Variants in EEF1AKMT1 observed in about 807,000 individuals in gnomAD.
EEF1AKMT1 encodes the protein EEF1A lysine methyltransferase 1, also known as N-6 adenine-specific DNA methyltransferase 2 (putative).
Under a neutral mutation model 21.0 loss-of-function variants are expected in EEF1AKMT1, and 18 were observed. That is an observed-to-expected ratio of 0.86 (90% CI 0.59 to 1.27). EEF1AKMT1 has a LOEUF of 1.27. Among genes scored for constraint, EEF1AKMT1 ranks in the 50% most tolerant of loss-of-function variants. The pLI is 0.00. For synonymous variants in EEF1AKMT1, 109 were observed against 94.8 expected (o/e 1.15, Z -0.87); for missense variants, 246 against 258.6 (o/e 0.95, Z 0.33).
chr13:20,750,576 C>T (rs2058935003), intron 2 of EEF1AKMT1, among the ~76,000 whole-genome samples: 1 of 152,116 alleles, frequency 6.6e-6, no homozygotes, highest in Non-Finnish European at 1.5e-5. Context: ...ACCACATTTT[C>T]TTTATCCATT....
At chr13:20,770,468 G>A (rs1162206158) in intron 1 of EEF1AKMT1, among the ~76,000 whole-genome samples, 1 of 152,164 alleles carries the variant, frequency 6.6e-6, no homozygotes, top group Non-Finnish European at 1.5e-5. Flanking sequence ...TGCTTGAAAT[G>A]AATAGTTCTA....
chr13:20,741,795 A>C (rs944488469), intron 2 of EEF1AKMT1, among the ~76,000 whole-genome samples: 1 of 152,118 alleles, frequency 6.6e-6, no homozygotes, highest in African/African-American at 2.4e-5. Context: ...TCATTCAATG[A>C]AAGAGAAAAG....
At chr13:20,745,774 G>T (rs1595019684) in intron 2 of EEF1AKMT1, among the ~76,000 whole-genome samples, 1 of 152,220 alleles carries the variant, frequency 6.6e-6, no homozygotes, top group East Asian at 1.9e-4. Flanking sequence ...CTTGAACCTG[G>T]GAGGCAGAGG....
At chr13:20,765,474 G>A (rs925633201) in intron 1 of EEF1AKMT1, among the ~76,000 whole-genome samples, 6 of 130,320 alleles carry the variant, frequency 4.6e-5, no homozygotes, top group Non-Finnish European at 6.1e-5. Context: ...GTGCAGTGGT[G>A]CAATCTCAGC....
chr13:20,770,863 A>G (rs1032425032), intron 1 of EEF1AKMT1, among the ~76,000 whole-genome samples: 4 of 151,992 alleles, frequency 2.6e-5, no homozygotes, highest in African/African-American at 9.7e-5. Flanking sequence ...ATGCATATAT[A>G]TTTATCCTTG....
chr13:20,756,357 T>TA (rs774068054), intron 2 of EEF1AKMT1, among the ~76,000 whole-genome samples: 11 of 152,220 alleles, frequency 7.2e-5, no homozygotes, highest in African/African-American at 2.4e-4. Flanking sequence ...ATTCAGATGA[T>TA]AAAAATATAA....
intron 1 of EEF1AKMT1, among the ~76,000 whole-genome samples, chr13:20,772,603 C>A (rs1210402613): frequency 6.6e-6 from 1 of 152,172 alleles, no homozygotes; most frequent in African/African-American, 2.4e-5. Flanking sequence ...AAGCACCATT[C>A]ACGCCATGGG....
intron 1 of EEF1AKMT1, among the ~76,000 whole-genome samples, chr13:20,770,786 TAA>T (rs2059058832): frequency 6.6e-6 from 1 of 151,922 alleles, no homozygotes; most frequent in Non-Finnish European, 1.5e-5. Context: ...GAAAGAAAAA[TAA>T]AAGTGTGTTT....
At chr13:20,755,665 A>C (rs966896715) in intron 2 of EEF1AKMT1, among the ~76,000 whole-genome samples, 1 of 152,194 alleles carries the variant, frequency 6.6e-6, no homozygotes, top group Non-Finnish European at 1.5e-5. Flanking sequence ...AAGTGAGATT[A>C]TTGGCTCAAT....
intron 3 of EEF1AKMT1, 117 bp from the exon 4 acceptor site, chr13:20,732,238 A>G: frequency 1.8e-6 from 2 of 1,136,882 alleles, no homozygotes; most frequent in Middle Eastern, 2.1e-4. Flanking sequence ...ACAGGAAACA[A>G]TAATGCAAAC....
At chr13:20,743,942 G>A (rs901108355) in intron 2 of EEF1AKMT1, among the ~76,000 whole-genome samples, 2 of 152,016 alleles carry the variant, frequency 1.3e-5, no homozygotes, top group African/African-American at 2.4e-5. Context: ...GAGAACAAGC[G>A]GTGTTTGGTT....
At chr13:20,744,530 G>C (rs2058891760) in intron 2 of EEF1AKMT1, among the ~76,000 whole-genome samples, 2 of 152,068 alleles carry the variant, frequency 1.3e-5, no homozygotes, top group South Asian at 4.2e-4. Context: ...CTTTTTGATG[G>C]GGCTGTTTTT....
At chr13:20,738,729 C>G (rs190120269) in intron 2 of EEF1AKMT1, among the ~76,000 whole-genome samples, 68 of 152,304 alleles carry the variant, frequency 4.5e-4, no homozygotes, top group Non-Finnish European at 8.8e-4. Flanking sequence ...AATCAGACAC[C>G]AAAGGCCACA....
intron 1 of EEF1AKMT1, among the ~76,000 whole-genome samples, chr13:20,766,412 AT>A (rs1452212196): frequency 7.9e-5 from 12 of 152,180 alleles, no homozygotes; most frequent in Non-Finnish European, 4.4e-5. Context: ...AATGTTGTAT[AT>A]TCCTACAGTA....
intron 4 of EEF1AKMT1, among the ~76,000 whole-genome samples, chr13:20,731,574 T>C (rs1595009894): frequency 6.6e-6 from 1 of 152,204 alleles, no homozygotes; most frequent in African/African-American, 2.4e-5. Context: ...TTGATGATGG[T>C]ATGTAAAAGT....
chr13:20,738,845 A>G (rs1032869506), intron 2 of EEF1AKMT1, among the ~76,000 whole-genome samples: 4 of 152,214 alleles, frequency 2.6e-5, no homozygotes, highest in African/African-American at 7.2e-5. Flanking sequence ...AGGAGGTGAC[A>G]GCTGAAAAAC....
rs145220801 is a variant in EEF1AKMT1 at position 20,730,945 on chromosome 13, T to C, written c.508+896A>G. 7.4e-3 allele frequency among the ~76,000 whole-genome samples: 1,127 copies of C among 152,286 alleles called. 5 individuals carry two copies. The highest frequency in any genetic ancestry group is 0.014 in the Admixed American group (216 of 15,294). On this transcript the variant is annotated intron_variant, in intron 4 of 4. Transcript: ENST00000382758. ...GGGTCCACACCAACTTTAAGGTCTGTAACACATACCGCAAGGGTCTGCCGC... is the reference window on the plus strand; with the variant it reads ...GGGTCCACACCAACTTTAAGGTCTGCAACACATACCGCAAGGGTCTGCCGC...
At chr13:20,765,817 C>T (rs1312286385) in intron 1 of EEF1AKMT1, among the ~76,000 whole-genome samples, 1 of 151,062 alleles carries the variant, frequency 6.6e-6, no homozygotes, top group Non-Finnish European at 1.5e-5. Flanking sequence ...ATAGGAAAAA[C>T]ATTTCAACAG....
At chr13:20,767,302 T>C (rs1046120678) in intron 1 of EEF1AKMT1, among the ~76,000 whole-genome samples, 2 of 98,236 alleles carry the variant, frequency 2.0e-5, no homozygotes, top group Non-Finnish European at 3.7e-5. Context: ...CGAGATTCTG[T>C]CTCAAAAAAA....
Sources: gnomAD v4.1 joint callset for allele counts (sites outside exome capture counted in the v4.1 genomes callset) on GRCh38, gnomAD v4.1.1 for gene constraint, MANE v1.5 for transcripts, NCBI Gene and HGNC (gene_info 2026-07-23, HGNC 2026-07-21) for gene names.